The following SLC24A2 variants were observed in gnomAD, a reference collection of about 807,000 sequenced individuals.
SLC24A2 encodes solute carrier family 24 member 2, also known as sodium/potassium/calcium exchanger 2.
Under a neutral mutation model 62.0 loss-of-function variants are expected in SLC24A2, and 36 were observed. The ratio of observed to expected loss-of-function variants is 0.58; its 90% confidence interval spans 0.44 to 0.77. The LOEUF (loss-of-function observed/expected upper bound fraction) is 0.77. Among genes scored for constraint, SLC24A2 ranks in the 30% least tolerant of loss-of-function variants. The pLI, the probability that SLC24A2 is intolerant of heterozygous loss-of-function variation, is 0.00. For synonymous variants in SLC24A2, 358 were observed against 294.0 expected, an observed-to-expected ratio of 1.22 and a Z score of -2.23; for missense variants, 846 against 817.9, an observed-to-expected ratio of 1.03 and a Z score of -0.42.
intron 3 of SLC24A2, 104 bp from the exon 4 acceptor site, chr9:19,619,796 G>T: frequency 4.7e-6 from 4 of 855,232 alleles, no homozygotes; most frequent in South Asian, 2.7e-5. Flanking sequence ...TCTGTCGCAT[G>T]ATCACACAGT....
At chr9:19,803,315 A>C in the SLC24A2 span, among the ~76,000 whole-genome samples, 104,647 of 152,062 alleles carry the variant, frequency 0.69, 40,646 homozygotes, top group Non-Finnish European at 0.87. Flanking sequence ...TCTTTAAATG[A>C]AAAATTCAGT....
chr9:19,919,167 A>G, the SLC24A2 span, among the ~76,000 whole-genome samples: 16 of 152,286 alleles, frequency 1.1e-4, no homozygotes, highest in African/African-American at 3.4e-4. Flanking sequence ...GGAGAGTTAG[A>G]AGAGGTTGTG....
the SLC24A2 span, among the ~76,000 whole-genome samples, chr9:19,931,178 C>T: frequency 5.9e-5 from 9 of 152,154 alleles, no homozygotes; most frequent in Admixed American, 5.9e-4. Context: ...CAAGACCATC[C>T]TTCCAGCCAA....
At chr9:19,624,543 A>G (rs747561711) in intron 2 of SLC24A2, among the ~76,000 whole-genome samples, 2 of 152,158 alleles carry the variant, frequency 1.3e-5, no homozygotes, top group African/African-American at 2.4e-5. Flanking sequence ...TAAAAAGTGG[A>G]AGGAAAATGC....
chr9:20,083,566 C>T, the SLC24A2 span, among the ~76,000 whole-genome samples: 2 of 152,270 alleles, frequency 1.3e-5, no homozygotes, highest in South Asian at 2.1e-4. Context: ...GCATTAGCAG[C>T]GAATTGCCAT....
chr9:19,768,746 A>G (rs1315813371), intron 2 of SLC24A2, among the ~76,000 whole-genome samples: 1 of 152,138 alleles, frequency 6.6e-6, no homozygotes, highest in Non-Finnish European at 1.5e-5. Flanking sequence ...ACTGTGGTTG[A>G]CTGTGGTTGA....
chr9:20,235,724 C>T, the SLC24A2 span, among the ~76,000 whole-genome samples: 1 of 152,194 alleles, frequency 6.6e-6, no homozygotes, highest in Non-Finnish European at 1.5e-5. Context: ...ACACGGTGTA[C>T]TGCACCCACT....
the SLC24A2 span, among the ~76,000 whole-genome samples, chr9:20,198,432 T>C: frequency 2.0e-5 from 3 of 152,194 alleles, no homozygotes; most frequent in Non-Finnish European, 2.9e-5. Flanking sequence ...TCAGAGCCAC[T>C]GCCTCACACA....
the SLC24A2 span, among the ~76,000 whole-genome samples, chr9:19,851,001 ACACATACATATATATATATATACATAT>A: frequency 6.3e-4 from 24 of 37,904 alleles, no homozygotes; most frequent in African/African-American, 1.6e-3. Context: ...ATATATATAT[ACACATACATATATATATATATACATAT>A]TTTTTTTTTT....
the SLC24A2 span, among the ~76,000 whole-genome samples, chr9:20,059,385 G>A: frequency 7.9e-3 from 1,204 of 152,096 alleles, 23 homozygotes; most frequent in African/African-American, 0.028. Context: ...TTTCCAGGAT[G>A]GACCATATAC....
the SLC24A2 span, among the ~76,000 whole-genome samples, chr9:20,180,456 C>A: frequency 6.6e-6 from 1 of 152,216 alleles, no homozygotes; most frequent in Admixed American, 6.5e-5. Flanking sequence ...TTTTCAAGTA[C>A]TTATAAACCA....
At chr9:20,209,060 A>G in the SLC24A2 span, among the ~76,000 whole-genome samples, 442 of 152,334 alleles carry the variant, frequency 2.9e-3, 2 homozygotes, top group African/African-American at 0.01. Context: ...AGACATAAGT[A>G]GTATCTGTTT....
At chr9:19,912,503 A>G in the SLC24A2 span, among the ~76,000 whole-genome samples, 1 of 152,158 alleles carries the variant, frequency 6.6e-6, no homozygotes, top group African/African-American at 2.4e-5. Context: ...TCTCTACAGT[A>G]CAACAGATGG....
the SLC24A2 span, among the ~76,000 whole-genome samples, chr9:19,870,457 C>T: frequency 6.6e-6 from 1 of 152,088 alleles, no homozygotes; most frequent in Non-Finnish European, 1.5e-5. Context: ...ATGAATAATG[C>T]TGCTATGAAC....
At chr9:19,838,974 T>A in the SLC24A2 span, among the ~76,000 whole-genome samples, 1 of 151,898 alleles carries the variant, frequency 6.6e-6, no homozygotes. Context: ...TGGGAGAAAA[T>A]TTTTGCAATC....
the SLC24A2 span, among the ~76,000 whole-genome samples, chr9:19,833,511 T>C: frequency 6.6e-6 from 1 of 152,082 alleles, no homozygotes; most frequent in Non-Finnish European, 1.5e-5. Flanking sequence ...AACTGCAAGG[T>C]GGCAGCGAGG....
the SLC24A2 span, among the ~76,000 whole-genome samples, chr9:20,127,823 T>C: frequency 6.6e-6 from 1 of 152,142 alleles, no homozygotes; most frequent in Non-Finnish European, 1.5e-5. Context: ...AATAAATTAC[T>C]AGCATTTTTA....
At chr9:19,845,787 T>C in the SLC24A2 span, among the ~76,000 whole-genome samples, 1 of 152,266 alleles carries the variant, frequency 6.6e-6, no homozygotes, top group African/African-American at 2.4e-5. Context: ...GGTATGTTGT[T>C]TCTCTGGTTT....
the SLC24A2 span, among the ~76,000 whole-genome samples, chr9:20,033,875 G>C: frequency 6.6e-6 from 1 of 152,156 alleles, no homozygotes; most frequent in South Asian, 2.1e-4. Context: ...GCTCTGCCTA[G>C]GGAATAGCCA....
Sources: gnomAD v4.1 joint callset for allele counts (sites outside exome capture counted in the v4.1 genomes callset) on GRCh38, gnomAD v4.1.1 for gene constraint, MANE v1.5 for transcripts, NCBI Gene and HGNC (gene_info 2026-07-23, HGNC 2026-07-21) for gene names.